The following TIAM2 variants were observed in gnomAD, a reference collection of about 807,000 sequenced individuals.
TIAM2 encodes rho guanine nucleotide exchange factor TIAM2.
In TIAM2, 80 loss-of-function variants were observed where a neutral mutation model predicts 152.9. The ratio of observed to expected loss-of-function variants is 0.52; its 90% CI spans 0.44 to 0.63. The LOEUF (loss-of-function observed/expected upper bound fraction) is 0.63. Ranked by LOEUF, TIAM2 falls within the 30% of genes least tolerant of loss-of-function variation. The pLI is 0.00. For missense variants in TIAM2, 1,965 were observed against 2,120.1 expected (o/e 0.93, Z 1.44); for synonymous variants, 804 against 838.0 (o/e 0.96, Z 0.70).
chr6:155,190,192 A>AGT (rs929878907), intron 14 of TIAM2, among the ~76,000 whole-genome samples: 3 of 152,058 alleles, frequency 2.0e-5, no homozygotes, highest in African/African-American at 7.2e-5. Context: ...TGGCCACTGG[A>AGT]GTGTGTGTGT....
intron 14 of TIAM2, among the ~76,000 whole-genome samples, chr6:155,205,571 A>G (rs1378241674): frequency 1.3e-5 from 2 of 152,150 alleles, no homozygotes; most frequent in Non-Finnish European, 2.9e-5. Flanking sequence ...TTTCTTGCCT[A>G]GTCTCTTGCT....
intron 1 of TIAM2, among the ~76,000 whole-genome samples, chr6:155,058,889 T>C (rs969490785): frequency 6.6e-6 from 1 of 152,202 alleles, no homozygotes; most frequent in Non-Finnish European, 1.5e-5. Flanking sequence ...ATAAATGCTA[T>C]GATAGAAGCA....
intron 16 of TIAM2, among the ~76,000 whole-genome samples, 165 bp from the exon 17 acceptor site, chr6:155,243,846 C>CAAAAAAAAAAAAAAAAAAA (rs59365890): frequency 7.3e-5 from 4 of 55,050 alleles, no homozygotes; most frequent in African/African-American, 3.2e-4. Flanking sequence ...GACTCCGTCT[C>CAAAAAAAAAAAAAAAAAAA]AAAAAAAAAA....
intron 14 of TIAM2, among the ~76,000 whole-genome samples, chr6:155,194,334 C>T (rs1013621433): frequency 6.6e-6 from 1 of 152,112 alleles, no homozygotes; most frequent in African/African-American, 2.4e-5. Context: ...CTGCGAGCAG[C>T]CTGGATGTAA....
intron 14 of TIAM2, among the ~76,000 whole-genome samples, chr6:155,206,973 G>A (rs910490961): frequency 6.6e-5 from 10 of 152,210 alleles, no homozygotes; most frequent in African/African-American, 2.2e-4. Flanking sequence ...TGGGCAGGAA[G>A]CAAGTGCTTA....
In TIAM2 at chr6:155,250,902, T is replaced by C. The variant is rs1285828935; in HGVS notation, c.3952-11T>C. The C allele has an allele frequency of 4.3e-6, 7 of 1,613,664 alleles. No individual in the cohort carries two copies. Among genetic ancestry groups the C allele is most frequent in the East Asian group, 2.2e-5 (1 of 44,880 alleles). The stretch of plus-strand genomic sequence containing the variant: ...TCCGTATCTTCCTTACCTCCTGTTT[T>C]TACAATCTAGGTAACAGAACTTTCG... On this transcript the variant is annotated splice_polypyrimidine_tract_variant and intron_variant, in intron 21 of 26. Transcript: ENST00000682666.
chr6:155,078,070 T>A (rs1465471244), intron 1 of TIAM2, among the ~76,000 whole-genome samples: 1 of 152,148 alleles, frequency 6.6e-6, no homozygotes. Context: ...ACTTGACTTT[T>A]TTTTTTGAGA....
intron 15 of TIAM2, among the ~76,000 whole-genome samples, chr6:155,238,603 G>A (rs956877234): frequency 1.3e-5 from 2 of 152,148 alleles, no homozygotes; most frequent in Non-Finnish European, 2.9e-5. Flanking sequence ...CTGCACCTTT[G>A]GCACATTCTC....
rs187425100 is a variant in TIAM2, at chr6:155,046,422, G to A, written c.-208-43867G>A. On this transcript the variant is annotated intron_variant, in intron 1 of 26. Transcript: ENST00000682666. ...GTGATCTCGGCTCACTGCAGCCTCC[G>A]CCTCCCAGGTTCAAGTGATTCTCCT... 2.1e-3 allele frequency among the ~76,000 whole-genome samples: 283 copies of A among 134,402 alleles called. 1 individual carries two copies. The highest frequency in any genetic ancestry group is 0.012 in the Admixed American group (134 of 11,570). 88.2% of individuals were successfully genotyped at this position (134,402 alleles called of 152,430 possible). A position where few individuals can be genotyped will look rare whatever the true frequency, so the allele number is the denominator to read the frequency against.
rs78624762 is a variant in TIAM2 at position 155,165,508 on chromosome 6, A to G, written c.2361+99A>G. 1.8e-3 allele frequency: 2,632 copies of G among 1,497,504 alleles called. 43 individuals are homozygous for G. In the African/African-American group the frequency reaches 0.034, roughly 19 times the overall value. The allele number at this position is 1,497,504 out of a possible 1,614,324, so 92.8% of individuals were successfully genotyped here. ...TCATCAATGTTCATTCTCTGTTAAG[A>G]ATGAAATGAGGCGAGGTGGGGTGGC... On this transcript the variant is annotated intron_variant, in intron 9 of 26. Coordinates refer to ENST00000682666, the MANE Select transcript of TIAM2 (RefSeq NM_012454.4).
intron 2 of TIAM2, among the ~76,000 whole-genome samples, chr6:155,122,339 T>C (rs1217151987): frequency 2.7e-5 from 4 of 150,796 alleles, no homozygotes; most frequent in African/African-American, 4.9e-5. Flanking sequence ...ATTTTGGGGA[T>C]TGGGAGGGAA....
Position 155,240,580 on chromosome 6 carries a change from C to T in TIAM2, c.3219C>T (p.Ala1073=), listed in dbSNP as rs780430121. Residue 1073 remains alanine, a synonymous_variant, in exon 16 of 27, where the codon GCC becomes GCT. Coordinates refer to ENST00000682666, the MANE Select transcript of TIAM2 (RefSeq NM_012454.4). The stretch of plus-strand genomic sequence containing the variant: ...GCAGGAGTTTTAACGACAGTCAGGC[C>T]AACGGCATGGAAGGACCGCGGGAGA... ...ALCRSFNDSQ[A]NGMEGPRENQ... 6.8e-6 allele frequency: 11 copies of T among 1,614,128 alleles called. No individual in the cohort carries two copies. The highest frequency in any genetic ancestry group is 9.3e-6 in the Non-Finnish European group (11 of 1,180,036).
intron 14 of TIAM2, among the ~76,000 whole-genome samples, chr6:155,202,388 T>A (rs1436377417): frequency 6.6e-6 from 1 of 152,182 alleles, no homozygotes; most frequent in Non-Finnish European, 1.5e-5. Context: ...AAATATGCAT[T>A]GCTATACAAA....
intron 1 of TIAM2, among the ~76,000 whole-genome samples, chr6:155,029,325 GTACTATGTGTT>G (rs1776739467): frequency 1.0e-5 from 1 of 98,154 alleles, no homozygotes; most frequent in African/African-American, 3.6e-5. Context: ...TATACTATAT[GTACTATGTGTT>G]ATATATAATA....
chr6:155,255,678 CAG>C (rs1458690138), intron 26 of TIAM2: 1 of 152,032 alleles, frequency 6.6e-6, no homozygotes, highest in Non-Finnish European at 1.5e-5. Context: ...GAAATTCCAG[CAG>C]AGACAGTTCT....
At chr6:155,168,741 C>T (rs1431170312) in intron 9 of TIAM2, 1 of 958,064 alleles carries the variant, frequency 1.0e-6, no homozygotes, top group African/African-American at 1.7e-5. Context: ...TGAAGCTCTT[C>T]TAAAATGTTA....
Position 155,129,804 on chromosome 6 carries a change from CG to C in TIAM2, c.583del (p.Val195CysfsTer4). The C allele has an allele frequency of 3.1e-6, 5 of 1,613,688 alleles. No individual in the cohort carries two copies. The highest frequency in any genetic ancestry group is 4.2e-6 in the Non-Finnish European group (5 of 1,180,028). ...GTGCCTGCAGAGGACTGCAGTGAGC[CG>C]GTGCAGCTGCTGAGGTACTCACCTA... ...SKVPAEDCSE[P>X]VQLLRYSPTL... On this transcript the variant is annotated frameshift_variant, in exon 4 of 27. Coordinates refer to ENST00000682666, the MANE Select transcript of TIAM2 (RefSeq NM_012454.4). LOFTEE classifies it high-confidence loss of function. This position sits in a 1 kb window ranked among gnomAD's most constrained non-coding sequence, Gnocchi z 4.8.
At chr6:155,178,388 G>A (rs1476031666) in intron 10 of TIAM2, among the ~76,000 whole-genome samples, 2 of 151,998 alleles carry the variant, frequency 1.3e-5, no homozygotes, top group African/African-American at 2.4e-5. Flanking sequence ...GAGAAACAAG[G>A]TTAGGCTTAA....
chr6:155,127,413 G>A (rs1349941268), intron 2 of TIAM2, 77 bp from the exon 3 acceptor site: 2 of 366,512 alleles, frequency 5.5e-6, no homozygotes, highest in Middle Eastern at 3.7e-4. Context: ...TATAATTTGC[G>A]TTAAGGCTTC....
Sources: allele counts gnomAD v4.1 joint callset (sites outside exome capture counted in the v4.1 genomes callset), GRCh38; gene constraint gnomAD v4.1.1; non-coding constraint Gnocchi (gnomAD v3.1); transcripts MANE v1.5; gene names NCBI Gene and HGNC (gene_info 2026-07-23, HGNC 2026-07-21).